IMMP1L: variants seen among roughly 807,000 people sequenced by gnomAD.
IMMP1L encodes inner mitochondrial membrane peptidase subunit 1, also known as mitochondrial inner membrane protease subunit 1.
A neutral mutation model predicts 21.8 loss-of-function variants in IMMP1L; 24 were observed. That is an observed-to-expected ratio of 1.10 (90% CI 0.80 to 1.55). The LOEUF (loss-of-function observed/expected upper bound fraction) is 1.55, where lower values mean the gene tolerates loss of function less well. Ranked by LOEUF, IMMP1L falls within the 40% of genes most tolerant of loss-of-function variation. The pLI is 0.00. For missense variants in IMMP1L, 195 were observed against 200.7 expected (o/e 0.97, Z 0.17); for synonymous variants, 46 against 62.8 (o/e 0.73, Z 1.26).
intron 1 of IMMP1L, among the ~76,000 whole-genome samples, chr11:31,490,982 A>C (rs955214050): frequency 1.8e-4 from 28 of 152,238 alleles, no homozygotes; most frequent in African/African-American, 6.3e-4. Flanking sequence ...TGACACCATA[A>C]GCTGCAGAAG....
chr11:31,483,287 A>G (rs962334512), intron 1 of IMMP1L, among the ~76,000 whole-genome samples: 1 of 151,992 alleles, frequency 6.6e-6, no homozygotes, highest in Non-Finnish European at 1.5e-5. Context: ...CCACTCACAA[A>G]GTGTGCACTT....
At chr11:31,437,466 A>G (rs1210632201) in intron 4 of IMMP1L, among the ~76,000 whole-genome samples, 2 of 152,232 alleles carry the variant, frequency 1.3e-5, no homozygotes, top group Non-Finnish European at 2.9e-5. Flanking sequence ...TATTCAGATT[A>G]GGGATGCTCA....
intron 1 of IMMP1L, 52 bp from the exon 2 acceptor site, chr11:31,463,357 A>C: frequency 6.9e-7 from 1 of 1,444,252 alleles, no homozygotes; most frequent in Non-Finnish European, 9.1e-7. Flanking sequence ...AAAAACACTT[A>C]AGAAATAACT....
intron 3 of IMMP1L, among the ~76,000 whole-genome samples, 163 bp from the exon 4 acceptor site, chr11:31,456,549 G>A (rs1953944509): frequency 6.6e-6 from 1 of 151,996 alleles, no homozygotes; most frequent in Non-Finnish European, 1.5e-5. Context: ...GAACCTTTGT[G>A]ACTGAATACT....
chr11:31,448,817 A>C (rs1953632806), intron 4 of IMMP1L: 1 of 352,584 alleles, frequency 2.8e-6, no homozygotes, highest in Non-Finnish European at 4.0e-6. Context: ...AAAACACTTT[A>C]AGTCTAGGAG....
At chr11:31,438,425 T>C (rs1269067969) in intron 4 of IMMP1L, among the ~76,000 whole-genome samples, 4 of 152,150 alleles carry the variant, frequency 2.6e-5, no homozygotes, top group Admixed American at 6.5e-5. Flanking sequence ...TTACCATGGA[T>C]ACAAGTCCTT....
At chr11:31,503,594 G>C (rs888394956) in intron 1 of IMMP1L, among the ~76,000 whole-genome samples, 2 of 152,128 alleles carry the variant, frequency 1.3e-5, no homozygotes, top group African/African-American at 4.8e-5. Context: ...AATCACTACA[G>C]TCACAAAAGG....
At chr11:31,495,557 T>C (rs1376930900) in intron 1 of IMMP1L, among the ~76,000 whole-genome samples, 1 of 152,202 alleles carries the variant, frequency 6.6e-6, no homozygotes, top group Non-Finnish European at 1.5e-5. Flanking sequence ...CTTACACTCA[T>C]GGCGAAAGGA....
intron 1 of IMMP1L, among the ~76,000 whole-genome samples, chr11:31,494,210 GCATTTC>G (rs1226625121): frequency 6.6e-6 from 1 of 152,214 alleles, no homozygotes; most frequent in Non-Finnish European, 1.5e-5. Context: ...GGTCATCCAG[GCATTTC>G]CATATATCCT....
At chr11:31,442,272 G>T (rs1048712009) in intron 4 of IMMP1L, among the ~76,000 whole-genome samples, 3 of 152,156 alleles carry the variant, frequency 2.0e-5, no homozygotes, top group African/African-American at 7.2e-5. Flanking sequence ...GTCTAGTTAA[G>T]TGCCTCCTTT....
At chr11:31,448,550 G>C (rs1012488091) in intron 4 of IMMP1L, among the ~76,000 whole-genome samples, 1 of 152,106 alleles carries the variant, frequency 6.6e-6, no homozygotes, top group Non-Finnish European at 1.5e-5. Flanking sequence ...TTACTCAACT[G>C]TATCCTGCCT....
intron 1 of IMMP1L, among the ~76,000 whole-genome samples, chr11:31,486,894 T>C (rs1450578234): frequency 1.3e-5 from 2 of 151,904 alleles, no homozygotes; most frequent in Non-Finnish European, 2.9e-5. Flanking sequence ...AGTGACAAAG[T>C]TATATTAAAA....
At position 31,454,449 on chromosome 11, in the gene IMMP1L, C is replaced by CAAAA. The variant is rs71463320; in HGVS notation, c.321+1807_321+1810dup. Among the ~76,000 whole-genome samples the CAAAA allele has an allele frequency of 9.5e-4, 29 of 30,394 alleles. 1 individual carries two copies. Among genetic ancestry groups the CAAAA allele is most frequent in the South Asian group, 3.8e-3 (2 of 526 alleles). 19.9% of individuals were successfully genotyped at this position (30,394 alleles called of 152,430 possible). On this transcript the variant is annotated intron_variant, in intron 4 of 5. Transcript: ENST00000532287. ...CTTGGGCAACAGAGCAAGACCATGT[C>CAAAA]AAAAAAAAAAAAAAAAAAAAAAAAA...
Position 31,477,537 on chromosome 11 carries a change from CAGTT to C in IMMP1L, c.-29-14236_-29-14233del, listed in dbSNP as rs1002301321. On this transcript the variant is annotated intron_variant, in intron 1 of 5. Transcript: ENST00000532287. ...TTGTTGTTGTTTATAAAATTAATCA[CAGTT>C]AGCAGGGCAGAAATAGCTTTGAGCT... The C allele has an allele frequency of 2.6e-5, 26 of 985,118 alleles. No homozygotes were observed. In the African/African-American group the frequency reaches 4.0e-4, roughly 15 times the overall value. The allele number at this position is 985,118 out of a possible 1,614,324, so 61.0% of individuals were successfully genotyped here.
At chr11:31,473,841 A>C (rs879440474) in intron 1 of IMMP1L, 1 of 527,240 alleles carries the variant, frequency 1.9e-6, no homozygotes, top group Non-Finnish European at 2.4e-6. Context: ...ATATATACAC[A>C]TTATACAAGT....
At chr11:31,465,303 T>TA (rs1205789364) in intron 1 of IMMP1L, among the ~76,000 whole-genome samples, 1 of 151,778 alleles carries the variant, frequency 6.6e-6, no homozygotes, top group Non-Finnish European at 1.5e-5. Flanking sequence ...GAAGAGGACA[T>TA]AAAAAATAAA....
intron 1 of IMMP1L, among the ~76,000 whole-genome samples, chr11:31,474,729 T>A (rs1194961276): frequency 6.6e-6 from 1 of 152,198 alleles, no homozygotes; most frequent in Admixed American, 6.5e-5. Flanking sequence ...TTTTGTTTCA[T>A]TAGCAGAGGA....
intron 1 of IMMP1L, among the ~76,000 whole-genome samples, chr11:31,503,516 A>AG (rs1266467802): frequency 6.6e-6 from 1 of 152,168 alleles, no homozygotes; most frequent in Non-Finnish European, 1.5e-5. Context: ...TTAACAATGA[A>AG]GAAAAAAAGG....
At chr11:31,447,698 ACT>A (rs1175638881) in intron 4 of IMMP1L, among the ~76,000 whole-genome samples, 1 of 152,154 alleles carries the variant, frequency 6.6e-6, no homozygotes, top group Non-Finnish European at 1.5e-5. Flanking sequence ...GGAGGAAAAC[ACT>A]CTAACGTCCA....
Sources: gnomAD v4.1 joint callset for allele counts (sites outside exome capture counted in the v4.1 genomes callset) on GRCh38, gnomAD v4.1.1 for gene constraint, MANE v1.5 for transcripts, NCBI Gene and HGNC (gene_info 2026-07-23, HGNC 2026-07-21) for gene names.